Variants in ERC2 observed in about 807,000 individuals in gnomAD.
ERC2 encodes ERC protein 2.
ERC2 carries 42 observed loss-of-function variants against 114.8 expected under a neutral mutation model. The observed-to-expected ratio is 0.37, with a 90% CI of 0.29 to 0.47. ERC2 has a LOEUF of 0.47. Ranked by LOEUF, ERC2 falls within the 20% of genes least tolerant of loss-of-function variation. ERC2 has a pLI of 0.99. For missense variants in ERC2, 939 were observed against 1,150.7 expected (o/e 0.82, Z 2.66); for synonymous variants, 454 against 425.5 (o/e 1.07, Z -0.82).
intron 15 of ERC2, among the ~76,000 whole-genome samples, chr3:55,716,474 A>G (rs374999350): frequency 1.3e-5 from 2 of 152,256 alleles, no homozygotes; most frequent in African/African-American, 4.8e-5. Flanking sequence ...GGCCTGAGCC[A>G]AATGGTCAAA....
chr3:56,246,371 CT>C (rs1235521897), intron 3 of ERC2, among the ~76,000 whole-genome samples: 1 of 152,176 alleles, frequency 6.6e-6, no homozygotes, highest in Non-Finnish European at 1.5e-5. Flanking sequence ...ACACATCCAC[CT>C]TGTGACAATC....
At chr3:56,450,790 C>T (rs1020335527) in intron 1 of ERC2, among the ~76,000 whole-genome samples, 3 of 151,886 alleles carry the variant, frequency 2.0e-5, no homozygotes, top group African/African-American at 4.8e-5. Flanking sequence ...ATGATCACGC[C>T]GTTGCGCTCC....
At chr3:56,033,205 AAC>A (rs2074589853) in intron 7 of ERC2, among the ~76,000 whole-genome samples, 1 of 152,166 alleles carries the variant, frequency 6.6e-6, no homozygotes, top group Non-Finnish European at 1.5e-5. Context: ...CAGCCTGGAC[AAC>A]AGAGTGAGAC....
At chr3:56,165,282 G>A (rs1203338623) in intron 4 of ERC2, among the ~76,000 whole-genome samples, 1 of 151,688 alleles carries the variant, frequency 6.6e-6, no homozygotes, top group Non-Finnish European at 1.5e-5. Flanking sequence ...CATTATTTTG[G>A]GGATAGTATT....
chr3:56,180,653 T>C (rs1182564929), intron 3 of ERC2, among the ~76,000 whole-genome samples: 2 of 152,122 alleles, frequency 1.3e-5, no homozygotes, highest in African/African-American at 4.8e-5. Context: ...GGGGTGGTGA[T>C]AGGCAGAAAT....
rs557115848 is a variant in ERC2, at chr3:55,794,566, A to G, written c.2565-59648T>C. On this transcript the variant is annotated intron_variant, in intron 14 of 17. Coordinates refer to ENST00000288221, the MANE Select transcript of ERC2 (RefSeq NM_015576.3). ...TTATCTCATAAAAGTAAAAAATACA[A>G]GAGATGTATGTCAAAATATGCTTTT... is the stretch of plus-strand genomic sequence containing the variant. 1.6e-3 allele frequency among the ~76,000 whole-genome samples: 249 copies of G among 152,354 alleles called. 2 individuals are homozygous for G. The highest frequency in any genetic ancestry group is 5.8e-3 in the African/African-American group (243 of 41,574).
intron 5 of ERC2, among the ~76,000 whole-genome samples, chr3:56,141,749 T>C (rs2080868556): frequency 6.6e-6 from 1 of 152,330 alleles, no homozygotes; most frequent in East Asian, 1.9e-4. Context: ...ATTGCATTAA[T>C]GAAATTTTTA....
At chr3:56,097,613 T>A (rs1161534474) in intron 6 of ERC2, among the ~76,000 whole-genome samples, 2 of 152,152 alleles carry the variant, frequency 1.3e-5, no homozygotes, top group Non-Finnish European at 1.5e-5. Flanking sequence ...ATGAGAGAAA[T>A]CATAACTTAA....
chr3:55,901,333 G>T (rs9311589), intron 13 of ERC2, among the ~76,000 whole-genome samples: 61,637 of 151,946 alleles, frequency 0.41, 13,121 homozygotes, highest in African/African-American at 0.52. Context: ...TGTGACTGGG[G>T]TCTCCACTTA....
chr3:56,270,393 T>C (rs1442716352), intron 3 of ERC2, among the ~76,000 whole-genome samples: 2 of 152,202 alleles, frequency 1.3e-5, no homozygotes, highest in African/African-American at 4.8e-5. Context: ...AGAATGTGTA[T>C]GGTTGTTAAA....
intron 6 of ERC2, among the ~76,000 whole-genome samples, chr3:56,128,550 A>G (rs1255947922): frequency 2.0e-5 from 3 of 152,190 alleles, no homozygotes; most frequent in Non-Finnish European, 4.4e-5. Flanking sequence ...TTCCAAATTA[A>G]ATGTTTAAAA....
At chr3:55,755,814 G>T (rs530636058) in intron 14 of ERC2, among the ~76,000 whole-genome samples, 4 of 152,058 alleles carry the variant, frequency 2.6e-5, no homozygotes, top group Non-Finnish European at 4.4e-5. Context: ...TAAATTAAAC[G>T]TACATCGAAC....
intron 2 of ERC2, among the ~76,000 whole-genome samples, chr3:56,432,826 ATAATATCTGG>A (rs2061851232): frequency 6.6e-6 from 1 of 152,158 alleles, no homozygotes; most frequent in Non-Finnish European, 1.5e-5. Context: ...AGAAAGTTAA[ATAATATCTGG>A]GAATTTTTGA....
intron 5 of ERC2, among the ~76,000 whole-genome samples, chr3:56,148,268 G>A (rs923457676): frequency 6.6e-6 from 1 of 152,102 alleles, no homozygotes; most frequent in Non-Finnish European, 1.5e-5. Flanking sequence ...TAAACACTAT[G>A]CTAAAACCAA....
At chr3:56,302,621 C>T (rs771479213) in intron 2 of ERC2, among the ~76,000 whole-genome samples, 11 of 152,146 alleles carry the variant, frequency 7.2e-5, no homozygotes, top group Non-Finnish European at 1.3e-4. Flanking sequence ...TTCCTTCAAG[C>T]CAAATCATCT....
intron 17 of ERC2, among the ~76,000 whole-genome samples, chr3:55,630,626 CAT>C (rs1286894018): frequency 6.6e-6 from 1 of 152,214 alleles, no homozygotes. Context: ...GAGACCTCCT[CAT>C]GTGTCTGCAG....
At chr3:56,450,580 A>G (rs1469734024) in intron 1 of ERC2, among the ~76,000 whole-genome samples, 4 of 152,232 alleles carry the variant, frequency 2.6e-5, no homozygotes, top group African/African-American at 9.6e-5. Context: ...TAATCTCAGC[A>G]TTTTGGGAGA....
At chr3:55,548,378 T>A (rs3856715) in intron 17 of ERC2, among the ~76,000 whole-genome samples, 4 of 152,198 alleles carry the variant, frequency 2.6e-5, no homozygotes, top group African/African-American at 9.6e-5. Flanking sequence ...TGGTCAGTTG[T>A]TACAGGAGAT....
intron 17 of ERC2, among the ~76,000 whole-genome samples, chr3:55,682,217 T>C (rs1453794885): frequency 1.3e-5 from 2 of 152,080 alleles, no homozygotes; most frequent in African/African-American, 4.8e-5. Context: ...AGGGAGAGAG[T>C]TGCTCCCATA....
Sources: gnomAD v4.1 joint callset for allele counts (sites outside exome capture counted in the v4.1 genomes callset) on GRCh38, gnomAD v4.1.1 for gene constraint, MANE v1.5 for transcripts, NCBI Gene and HGNC (gene_info 2026-07-23, HGNC 2026-07-21) for gene names.